KCNB2: variants seen among roughly 807,000 people sequenced by gnomAD.
The protein encoded by KCNB2 is delayed rectifier potassium channel protein.
A neutral mutation model predicts 61.5 loss-of-function variants in KCNB2; 15 were observed. The observed-to-expected ratio is 0.24, with a 90% CI of 0.16 to 0.38. The LOEUF (loss-of-function observed/expected upper bound fraction) is 0.38. Ranked by LOEUF, KCNB2 falls within the 10% of genes least tolerant of loss-of-function variation. The pLI is 1.00. For missense variants in KCNB2, 828 were observed against 1,125.2 expected (o/e 0.74, Z 3.78); for synonymous variants, 457 against 446.0 (o/e 1.02, Z -0.31).
At chr8:72,890,923 A>G (rs1805886699) in intron 2 of KCNB2, among the ~76,000 whole-genome samples, 1 of 152,190 alleles carries the variant, frequency 6.6e-6, no homozygotes, top group Admixed American at 6.6e-5. Context: ...CATAAATTTT[A>G]AGACTGCCTT....
chr8:72,908,301 A>G (rs1014664220), intron 2 of KCNB2, among the ~76,000 whole-genome samples: 2 of 152,170 alleles, frequency 1.3e-5, no homozygotes, highest in African/African-American at 2.4e-5. Context: ...GGTCATGTTT[A>G]TTGCATAGAA....
chr8:72,745,253 A>G (rs1166418807), intron 2 of KCNB2, among the ~76,000 whole-genome samples: 1 of 152,178 alleles, frequency 6.6e-6, no homozygotes. Context: ...GTTAATTAGG[A>G]GAGAAGGAAT....
At chr8:72,906,986 G>T (rs1806189401) in intron 2 of KCNB2, among the ~76,000 whole-genome samples, 1 of 152,144 alleles carries the variant, frequency 6.6e-6, no homozygotes, top group African/African-American at 2.4e-5. Flanking sequence ...ATAAGTGTGT[G>T]TTTCTTGCTA....
chr8:72,656,107 C>T (rs1417424021), intron 2 of KCNB2, among the ~76,000 whole-genome samples: 1 of 152,078 alleles, frequency 6.6e-6, no homozygotes, highest in Non-Finnish European at 1.5e-5. Flanking sequence ...TTCTCAGAGT[C>T]CTGGGCTTTT....
At chr8:72,617,947 G>A (rs1221886720) in intron 2 of KCNB2, among the ~76,000 whole-genome samples, 1 of 152,178 alleles carries the variant, frequency 6.6e-6, no homozygotes, top group Non-Finnish European at 1.5e-5. Context: ...TAACTATGTG[G>A]TGGAACGACT....
chr8:72,685,328 T>C (rs1255697429), intron 2 of KCNB2, among the ~76,000 whole-genome samples: 1 of 152,130 alleles, frequency 6.6e-6, no homozygotes, highest in Non-Finnish European at 1.5e-5. Flanking sequence ...AAAATATATA[T>C]ATAAAACATA....
chr8:72,592,829 G>A (rs1807122643), intron 2 of KCNB2, among the ~76,000 whole-genome samples: 1 of 152,054 alleles, frequency 6.6e-6, no homozygotes. Flanking sequence ...GGGGGTTTTT[G>A]TTATAGCAGC....
chr8:72,681,746 C>T (rs554912717), intron 2 of KCNB2, among the ~76,000 whole-genome samples: 1 of 152,284 alleles, frequency 6.6e-6, no homozygotes, highest in African/African-American at 2.4e-5. Flanking sequence ...TTTACACCAG[C>T]ATCACCACAA....
rs557880622 is a variant in KCNB2, at chr8:72,556,722, G to A, written c.-93-10920G>A. ...ACAGTGTTTTGAGTATGAGTAGTCA[G>A]GGAAAGAACAAAAAGGGACCTCCAG... On this transcript the variant is annotated intron_variant, in intron 1 of 2. Coordinates refer to ENST00000523207, the MANE Select transcript of KCNB2 (RefSeq NM_004770.3). Among the ~76,000 whole-genome samples, 3 of 152,220 alleles carry A rather than the reference G, an allele frequency of 2.0e-5. No individual in the cohort carries two copies. In the South Asian group the frequency reaches 6.2e-4, roughly 32 times the overall value.
At chr8:72,918,294 C>T (rs1398734174) in intron 2 of KCNB2, among the ~76,000 whole-genome samples, 1 of 152,182 alleles carries the variant, frequency 6.6e-6, no homozygotes, top group Admixed American at 6.5e-5. Context: ...GTTCTCTTGT[C>T]TACTTAGACT....
chr8:72,578,536 A>T (rs900588243), intron 2 of KCNB2, among the ~76,000 whole-genome samples: 1 of 152,202 alleles, frequency 6.6e-6, no homozygotes, highest in Non-Finnish European at 1.5e-5. Flanking sequence ...TCAAAGCAAA[A>T]AAAATCGGTT....
intron 2 of KCNB2, among the ~76,000 whole-genome samples, chr8:72,709,443 G>A (rs1807288699): frequency 6.6e-6 from 1 of 151,830 alleles, no homozygotes; most frequent in Non-Finnish European, 1.5e-5. Flanking sequence ...CAGTCCTGCA[G>A]GCTGTACAGG....
At chr8:72,895,405 G>T (rs778525529) in intron 2 of KCNB2, among the ~76,000 whole-genome samples, 1 of 152,162 alleles carries the variant, frequency 6.6e-6, no homozygotes, top group Non-Finnish European at 1.5e-5. Flanking sequence ...GGAAGAAGGG[G>T]AGCATGACCT....
chr8:72,600,998 CAAA>C (rs773297528), intron 2 of KCNB2, among the ~76,000 whole-genome samples: 2 of 128,014 alleles, frequency 1.6e-5, no homozygotes. Context: ...AAATAAAAGT[CAAA>C]AAAAAAAAAA....
At chr8:72,714,608 G>A (rs1807392185) in intron 2 of KCNB2, among the ~76,000 whole-genome samples, 2 of 152,134 alleles carry the variant, frequency 1.3e-5, no homozygotes, top group African/African-American at 2.4e-5. Flanking sequence ...ACAAGCAAAT[G>A]CTGAGAGATT....
chr8:72,539,056 T>C (rs1806154898), intron 1 of KCNB2, among the ~76,000 whole-genome samples: 1 of 142,620 alleles, frequency 7.0e-6, no homozygotes, highest in Admixed American at 7.6e-5. Flanking sequence ...GTTTTATCTA[T>C]TTCACTCTTT....
rs772521787 is a variant in KCNB2, at chr8:72,693,422, CT to C, written c.579+125111del. On this transcript the variant is annotated intron_variant, in intron 2 of 2. Transcript: ENST00000523207. ...TGTGAAGTTCTGTCCTTCCTGTGCT[CT>C]TGTACAAGGTTCTCAGGGGCTTGAG... Among the ~76,000 whole-genome samples, 8 of 152,244 alleles carry C rather than the reference CT, an allele frequency of 5.3e-5. No homozygotes were observed. In the South Asian group the frequency reaches 8.3e-4, roughly 16 times the overall value.
intron 2 of KCNB2, among the ~76,000 whole-genome samples, chr8:72,610,407 C>T (rs984483348): frequency 5.9e-5 from 9 of 152,142 alleles, no homozygotes; most frequent in Non-Finnish European, 1.0e-4. Context: ...AGATTTTCCT[C>T]ATATTTTTTC....
chr8:72,661,799 C>T (rs543013463), intron 2 of KCNB2, among the ~76,000 whole-genome samples: 5 of 152,158 alleles, frequency 3.3e-5, no homozygotes, highest in Non-Finnish European at 7.4e-5. Context: ...TCAACTTATT[C>T]TAAATGTTTA....
Sources: gnomAD v4.1 joint callset for allele counts (sites outside exome capture counted in the v4.1 genomes callset) on GRCh38, gnomAD v4.1.1 for gene constraint, MANE v1.5 for transcripts, NCBI Gene and HGNC (gene_info 2026-07-23, HGNC 2026-07-21) for gene names.